ARHGEF10L: variants seen among roughly 807,000 people sequenced by gnomAD.
ARHGEF10L encodes rho guanine nucleotide exchange factor 10-like protein.
A neutral mutation model predicts 141.2 loss-of-function variants in ARHGEF10L; 69 were observed. The observed-to-expected ratio is 0.49, with a 90% confidence interval of 0.40 to 0.60. The LOEUF (loss-of-function observed/expected upper bound fraction) is 0.60. Among genes scored for constraint, ARHGEF10L ranks in the 20% least tolerant of loss-of-function variants. ARHGEF10L has a pLI of 0.00. For synonymous variants in ARHGEF10L, 711 were observed against 718.5 expected (o/e 0.99, Z 0.17); for missense variants, 1,482 against 1,734.3 (o/e 0.85, Z 2.58).
intron 21 of ARHGEF10L, among the ~76,000 whole-genome samples, chr1:17,640,706 G>T (rs1251147185): frequency 6.6e-6 from 1 of 152,178 alleles, no homozygotes; most frequent in Non-Finnish European, 1.5e-5. Context: ...TCAGTGGCGT[G>T]TGCACTTTAA....
At chr1:17,611,982 T>A (rs918207270) in intron 7 of ARHGEF10L, among the ~76,000 whole-genome samples, 1 of 147,304 alleles carries the variant, frequency 6.8e-6, no homozygotes. Flanking sequence ...GGTTTGTCCA[T>A]CCATCCATCC....
chr1:17,650,500 A>G (rs1382170151), intron 22 of ARHGEF10L, among the ~76,000 whole-genome samples: 1 of 152,132 alleles, frequency 6.6e-6, no homozygotes, highest in East Asian at 1.9e-4. Context: ...TGGGAGGCCA[A>G]GGCAGGTGGA....
chr1:17,589,183 A>G (rs1557758910), intron 4 of ARHGEF10L, among the ~76,000 whole-genome samples: 1 of 152,078 alleles, frequency 6.6e-6, no homozygotes, highest in Admixed American at 6.5e-5. Flanking sequence ...AAAATGGGCT[A>G]TCGGGTAAGA....
chr1:17,686,530 C>T (rs2064613696), intron 26 of ARHGEF10L, among the ~76,000 whole-genome samples: 1 of 152,096 alleles, frequency 6.6e-6, no homozygotes, highest in South Asian at 2.1e-4. Context: ...CGGGGTGGGG[C>T]CTGCCTCCTG....
At position 17,590,767 on chromosome 1, in the gene ARHGEF10L, A is replaced by C. The variant is rs556876464; in HGVS notation, c.257+2288A>C. Among the ~76,000 whole-genome samples the C allele has an allele frequency of 1.8e-4, 27 of 152,246 alleles. No homozygotes were observed. The South Asian group carries it at 5.6e-3, about 32-fold the overall frequency. The stretch of plus-strand genomic sequence containing the variant: ...TTTGGGAAGTCAAGGTGGGTGGACC[A>C]CTGAGGTCAGGAGTTCAAGACCCAG... On this transcript the variant is annotated intron_variant, in intron 4 of 28. Coordinates refer to ENST00000361221, the MANE Select transcript of ARHGEF10L (RefSeq NM_018125.4).
intron 6 of ARHGEF10L, among the ~76,000 whole-genome samples, chr1:17,606,448 C>A (rs2101013794): frequency 6.6e-6 from 1 of 152,024 alleles, no homozygotes; most frequent in East Asian, 1.9e-4. Flanking sequence ...TGCGTGCCAC[C>A]ACACCCGGCT....
intron 17 of ARHGEF10L, 113 bp downstream of exon 17, chr1:17,634,675 C>G: frequency 6.7e-7 from 1 of 1,491,662 alleles, no homozygotes; most frequent in Non-Finnish European, 9.0e-7. Context: ...TCTACCCTGG[C>G]GAGGGATCCC....
chr1:17,585,321 T>C (rs1159761830), intron 2 of ARHGEF10L, among the ~76,000 whole-genome samples: 1 of 152,120 alleles, frequency 6.6e-6, no homozygotes, highest in Admixed American at 6.5e-5. Context: ...CTGCTGACTG[T>C]GGGCACATTG....
At position 17,619,065 on chromosome 1, in the gene ARHGEF10L, G is replaced by A. The variant is rs2059966380; in HGVS notation, c.836-274G>A. On this transcript the variant is annotated intron_variant, in intron 9 of 28. Coordinates refer to ENST00000361221, the MANE Select transcript of ARHGEF10L (RefSeq NM_018125.4). The surrounding 1 kb of genome is among the most constrained non-coding windows in gnomAD (Gnocchi z 5.0). Reference sequence around the variant, plus strand: ...TGGCAGCATGGACGCCGAGAACCCAGGCCCCACAGGACGCAGCTTTGATTT... The same window carrying A: ...TGGCAGCATGGACGCCGAGAACCCAAGCCCCACAGGACGCAGCTTTGATTT... Among the ~76,000 whole-genome samples the A allele has an allele frequency of 6.6e-6, 1 of 152,114 alleles. No individual in the cohort carries two copies. Among genetic ancestry groups the A allele is most frequent in the African/African-American group, 2.4e-5 (1 of 41,420 alleles).
chr1:17,528,986 T>A, the ARHGEF10L span, among the ~76,000 whole-genome samples: 3,901 of 152,150 alleles, frequency 0.026, 173 homozygotes, highest in African/African-American at 0.088. Context: ...ATATAGATGA[T>A]GATGATTAAG....
At chr1:17,595,481 G>C (rs144764583) in intron 4 of ARHGEF10L, among the ~76,000 whole-genome samples, 2 of 152,128 alleles carry the variant, frequency 1.3e-5, no homozygotes, top group Admixed American at 6.5e-5. Flanking sequence ...TGGCTCCCCA[G>C]AGGCCTCGAC....
Position 17,632,301 on chromosome 1 carries a change from C to T in ARHGEF10L, c.1585-20C>T. On this transcript the variant is annotated intron_variant, in intron 15 of 28. Transcript: ENST00000361221. ...GCCGGGCCGCGATGCTGATGCTGAC[C>T]TTCCCTGCCCCTCCTCCAGCTGTTG... is the stretch of plus-strand genomic sequence containing the variant. The T allele has an allele frequency of 1.2e-6, 2 of 1,612,984 alleles. No individual in the cohort carries two copies. The highest frequency in any genetic ancestry group is 1.7e-6 in the Non-Finnish European group (2 of 1,179,828).
chr1:17,517,898 A>G, the ARHGEF10L span, among the ~76,000 whole-genome samples: 5 of 152,074 alleles, frequency 3.3e-5, no homozygotes, highest in African/African-American at 4.8e-5. Flanking sequence ...CTGAGCTCAG[A>G]TGATCCAACC....
At chr1:17,543,395 C>T (rs2100627852) in intron 1 of ARHGEF10L, among the ~76,000 whole-genome samples, 1 of 152,108 alleles carries the variant, frequency 6.6e-6, no homozygotes, top group South Asian at 2.1e-4. Flanking sequence ...CTAGCCTGGC[C>T]AACATGGTGA....
In ARHGEF10L at chr1:17,665,717, G is replaced by A. The variant is rs141454702; in HGVS notation, c.3009+1122G>A. On this transcript the variant is annotated intron_variant, in intron 26 of 28. Transcript: ENST00000361221. ...TTACTGTATCAGTCAGGGTTGTCCA[G>A]AGGAACAGAACCAATGGAACGTATG... 5.5e-3 allele frequency among the ~76,000 whole-genome samples: 838 copies of A among 152,322 alleles called. 11 individuals are homozygous for A. Among genetic ancestry groups the A allele is most frequent in the African/African-American group, 0.019 (797 of 41,562 alleles).
At chr1:17,647,943 T>C (rs2061693328) in intron 21 of ARHGEF10L, among the ~76,000 whole-genome samples, 1 of 152,120 alleles carries the variant, frequency 6.6e-6, no homozygotes, top group Non-Finnish European at 1.5e-5. Context: ...AACGGGTCCC[T>C]GGGAGCTTTG....
intron 7 of ARHGEF10L, among the ~76,000 whole-genome samples, chr1:17,609,653 A>G (rs1010827112): frequency 2.6e-5 from 4 of 152,150 alleles, no homozygotes; most frequent in Non-Finnish European, 4.4e-5. Flanking sequence ...CTTTACGTAA[A>G]CATGAGCCTG....
chr1:17,524,474 A>G, the ARHGEF10L span, among the ~76,000 whole-genome samples: 10 of 150,744 alleles, frequency 6.6e-5, no homozygotes, highest in African/African-American at 2.2e-4. Context: ...CAGGAGGGTG[A>G]GGTAGGAGGA....
At chr1:17,695,412 C>G (rs2065425451) in intron 28 of ARHGEF10L, 132 bp downstream of exon 28, 1 of 1,295,864 alleles carries the variant, frequency 7.7e-7, no homozygotes, top group African/African-American at 1.5e-5. Flanking sequence ...TTCCTCTCAT[C>G]TCAGGTGGCA....
Sources: gnomAD v4.1 joint callset for allele counts (sites outside exome capture counted in the v4.1 genomes callset) on GRCh38, gnomAD v4.1.1 for gene constraint, Gnocchi (gnomAD v3.1) non-coding constraint, MANE v1.5 for transcripts, NCBI Gene and HGNC (gene_info 2026-07-23, HGNC 2026-07-21) for gene names.